NLGN1: variants seen among roughly 807,000 people sequenced by gnomAD.
NLGN1 encodes neuroligin-1.
NLGN1 carries 12 observed loss-of-function variants against 65.5 expected under a neutral mutation model. The ratio of observed to expected loss-of-function variants is 0.18; its 90% CI spans 0.12 to 0.30. The LOEUF (loss-of-function observed/expected upper bound fraction) is 0.30, where lower values mean the gene tolerates loss of function less well. Among genes scored for constraint, NLGN1 ranks in the 10% least tolerant of loss-of-function variants. NLGN1 has a pLI of 1.00. For synonymous variants in NLGN1, 350 were observed against 359.5 expected (o/e 0.97, Z 0.30); for missense variants, 750 against 1,007.1 (o/e 0.74, Z 3.46).
chr3:173,901,803 C>G (rs1292533356), intron 4 of NLGN1, among the ~76,000 whole-genome samples: 11 of 152,044 alleles, frequency 7.2e-5, no homozygotes, highest in Admixed American at 7.2e-4. Flanking sequence ...AATCACTGCA[C>G]TGCCCTTCAA....
chr3:174,060,250 C>T (rs1405464594), intron 4 of NLGN1, among the ~76,000 whole-genome samples: 2 of 151,886 alleles, frequency 1.3e-5, no homozygotes, highest in Non-Finnish European at 2.9e-5. Flanking sequence ...TTCTCTTTTC[C>T]CACTAAGCCT....
chr3:173,773,095 C>T (rs1026068439), intron 3 of NLGN1, among the ~76,000 whole-genome samples: 2 of 152,144 alleles, frequency 1.3e-5, no homozygotes, highest in Admixed American at 1.3e-4. Flanking sequence ...TTATTTGTTT[C>T]AAGACAACAC....
chr3:173,943,341 A>G (rs925408437), intron 4 of NLGN1, among the ~76,000 whole-genome samples: 2 of 152,170 alleles, frequency 1.3e-5, no homozygotes, highest in African/African-American at 4.8e-5. Flanking sequence ...CAACCCCAAC[A>G]TTGTCCTTGT....
intron 4 of NLGN1, among the ~76,000 whole-genome samples, chr3:173,852,280 C>T (rs1434524142): frequency 2.2e-5 from 3 of 137,162 alleles, no homozygotes; most frequent in East Asian, 2.2e-4. Context: ...GGCGTGAACC[C>T]GGGAGGCGGA....
intron 4 of NLGN1, among the ~76,000 whole-genome samples, chr3:174,115,905 A>T (rs890382943): frequency 6.6e-6 from 1 of 152,200 alleles, no homozygotes; most frequent in African/African-American, 2.4e-5. Flanking sequence ...CTAAGGTTCT[A>T]TATGTCTCTA....
chr3:173,858,879 G>A lies in NLGN1; in HGVS notation c.646+51047G>A, dbSNP rs543827475. Among the ~76,000 whole-genome samples, 8 of 151,938 alleles carry A rather than the reference G, an allele frequency of 5.3e-5. No homozygotes were observed. The South Asian group carries it at 1.5e-3, about 28-fold the overall frequency. On this transcript the variant is annotated intron_variant, in intron 4 of 6. Transcript: ENST00000457714. ...AAAATGATCTTCAAATCATTTACTCGTCTCTTCACAACCATGGAAACCACA... is the reference window on the plus strand; with the variant it reads ...AAAATGATCTTCAAATCATTTACTCATCTCTTCACAACCATGGAAACCACA...
chr3:173,532,874 T>G (rs1314256260), intron 2 of NLGN1, among the ~76,000 whole-genome samples: 1 of 152,220 alleles, frequency 6.6e-6, no homozygotes, highest in Non-Finnish European at 1.5e-5. Flanking sequence ...GCTCGATATC[T>G]CCTTACTCCT....
chr3:174,118,680 TA>T (rs139804653), intron 4 of NLGN1, among the ~76,000 whole-genome samples: 7,775 of 152,014 alleles, frequency 0.051, 249 homozygotes, highest in African/African-American at 0.072. Context: ...ATTTCAGGAG[TA>T]GGAAGAAGGA....
chr3:173,830,725 A>G lies in NLGN1; in HGVS notation c.646+22893A>G, dbSNP rs192291446. Among the ~76,000 whole-genome samples the G allele has an allele frequency of 4.8e-3, 727 of 152,306 alleles. 6 individuals are homozygous for G. The highest frequency in any genetic ancestry group is 0.017 in the African/African-American group (693 of 41,570). On this transcript the variant is annotated intron_variant, in intron 4 of 6. Transcript: ENST00000457714. Reference sequence around the variant, plus strand: ...ATTCAAAATAATATAAGCTAGTGTTATTCATATATTACGTACATTGCACCC... The same window carrying G: ...ATTCAAAATAATATAAGCTAGTGTTGTTCATATATTACGTACATTGCACCC...
intron 4 of NLGN1, among the ~76,000 whole-genome samples, chr3:174,135,036 A>C (rs932193652): frequency 6.6e-6 from 1 of 152,184 alleles, no homozygotes; most frequent in African/African-American, 2.4e-5. Context: ...CAAAGTTCTG[A>C]GATTATTAAA....
chr3:174,258,319 G>A (rs1363734597), intron 4 of NLGN1, among the ~76,000 whole-genome samples: 1 of 151,950 alleles, frequency 6.6e-6, no homozygotes, highest in Non-Finnish European at 1.5e-5. Flanking sequence ...AAATGAATAA[G>A]TGAATAAAAG....
intron 4 of NLGN1, among the ~76,000 whole-genome samples, chr3:173,856,756 G>T (rs1185811921): frequency 1.3e-5 from 2 of 151,974 alleles, no homozygotes; most frequent in African/African-American, 4.8e-5. Context: ...TTTACACAGA[G>T]GCCTAAAATA....
At chr3:173,872,121 G>C (rs965175674) in intron 4 of NLGN1, among the ~76,000 whole-genome samples, 1 of 152,092 alleles carries the variant, frequency 6.6e-6, no homozygotes, top group Non-Finnish European at 1.5e-5. Flanking sequence ...CAAGAGTGTA[G>C]GAAGTTGCCT....
chr3:174,256,944 T>C (rs542074047), intron 4 of NLGN1, among the ~76,000 whole-genome samples: 2 of 152,098 alleles, frequency 1.3e-5, no homozygotes, highest in Admixed American at 6.6e-5. Flanking sequence ...TTCTGCACAG[T>C]AAAGAAATTA....
chr3:174,190,094 A>G (rs1347233797), intron 4 of NLGN1, among the ~76,000 whole-genome samples: 2 of 152,136 alleles, frequency 1.3e-5, no homozygotes, highest in Admixed American at 1.3e-4. Flanking sequence ...GCACTGTGCT[A>G]CAATTCAGTT....
intron 4 of NLGN1, among the ~76,000 whole-genome samples, chr3:173,994,367 T>C (rs1483265526): frequency 7.0e-6 from 1 of 143,356 alleles, no homozygotes; most frequent in African/African-American, 2.6e-5. Context: ...AGTGCGGGGA[T>C]AACAGGCACG....
intron 2 of NLGN1, among the ~76,000 whole-genome samples, chr3:173,539,678 A>C (rs551136029): frequency 7.9e-4 from 63 of 79,410 alleles, no homozygotes; most frequent in Middle Eastern, 7.8e-3. Context: ...CACATATATA[A>C]CATACATATA....
At chr3:173,637,438 T>C (rs891813354) in intron 3 of NLGN1, among the ~76,000 whole-genome samples, 1 of 152,146 alleles carries the variant, frequency 6.6e-6, no homozygotes, top group Non-Finnish European at 1.5e-5. Flanking sequence ...TAGAGAATAA[T>C]TTTTACCACT....
In NLGN1 at chr3:173,504,002, G is replaced by A. The variant is rs1731590026; in HGVS notation, c.-321+68924G>A. On this transcript the variant is annotated intron_variant, in intron 2 of 6. Transcript: ENST00000457714. ...TTATTGGTAGCAAGATAGGAAAATA[G>A]CAACATCAGAAATCTGATAATTAGG... Among the ~76,000 whole-genome samples the A allele has an allele frequency of 2.0e-5, 3 of 152,102 alleles. No homozygotes were observed. In the South Asian group the frequency reaches 6.2e-4, roughly 32 times the overall value.
Sources: gnomAD v4.1 joint callset for allele counts (sites outside exome capture counted in the v4.1 genomes callset) on GRCh38, gnomAD v4.1.1 for gene constraint, MANE v1.5 for transcripts, NCBI Gene and HGNC (gene_info 2026-07-23, HGNC 2026-07-21) for gene names.